PLAU: variants seen among roughly 807,000 people sequenced by gnomAD.
PLAU encodes the protein urokinase-type plasminogen activator.
A neutral mutation model predicts 48.9 loss-of-function variants in PLAU; 32 were observed. That is an observed-to-expected ratio of 0.65 (90% CI 0.49 to 0.88). PLAU has a LOEUF of 0.88. PLAU is among the 40% of genes least tolerant of loss of function. PLAU has a pLI of 0.00. For missense variants in PLAU, 455 were observed against 545.2 expected, an observed-to-expected ratio of 0.83 and a Z score of 1.65; for synonymous variants, 199 against 205.7, an observed-to-expected ratio of 0.97 and a Z score of 0.28.
In PLAU at chr10:73,913,684, G is replaced by T; in HGVS notation, c.606G>T (p.Gly202=). 3 of 1,613,672 alleles carry T rather than the reference G, an allele frequency of 1.9e-6. No individual in the cohort carries two copies. The highest frequency in any genetic ancestry group is 2.5e-6 in the Non-Finnish European group (3 of 1,179,876). The change falls in exon 7 of 11, where the codon GGG becomes GGT. Residue 202 remains glycine (G), a synonymous_variant. Transcript: ENST00000372764. ...CGGCCATCTACAGGAGGCACCGGGG[G>T]GGCTCTGTCACCTACGTGTGTGGAG... ...WFAAIYRRHR[G]GSVTYVCGGS...
Position 73,911,781 on chromosome 10 carries a change from G to A in PLAU, c.57+169G>A, listed in dbSNP as rs1210398586. 4.5e-6 allele frequency: 7 copies of A among 1,551,882 alleles called. No homozygotes were observed. The Admixed American group carries it at 1.2e-4, about 26-fold the overall frequency. On this transcript the variant is annotated intron_variant, in intron 2 of 10. Coordinates refer to ENST00000372764, the MANE Select transcript of PLAU (RefSeq NM_002658.6). ...GCAGCGGAGGCTTGAGAACCACGGG[G>A]GTTGGCACTGGCTGGCAAGGGAGGA... is the stretch of plus-strand genomic sequence containing the variant.
Position 73,914,217 on chromosome 10 carries a change from C to T in PLAU, c.829+89C>T, listed in dbSNP as rs78074294. 1.7e-5 allele frequency: 24 copies of T among 1,405,956 alleles called. 1 individual carries two copies. The Middle Eastern group carries it at 7.1e-4, about 41-fold the overall frequency. The allele number at this position is 1,405,956 out of a possible 1,614,324, so 87.1% of individuals were successfully genotyped here. On this transcript the variant is annotated intron_variant, in intron 8 of 10. Transcript: ENST00000372764. ...GACTGGAGCTGAGGTTGAAGCTGCCCGGTGGGGCAGGGGTGGGGCGAGGGA... is the reference window on the plus strand; with the variant it reads ...GACTGGAGCTGAGGTTGAAGCTGCCTGGTGGGGCAGGGGTGGGGCGAGGGA...
At chr10:73,916,131 C>A (rs1221586850) in intron 10 of PLAU, among the ~76,000 whole-genome samples, 2 of 152,148 alleles carry the variant, frequency 1.3e-5, no homozygotes, top group African/African-American at 2.4e-5. Flanking sequence ...GTAATCCCAG[C>A]TAATCAGGAG....
At chr10:73,915,687 G>A (rs1277134891) in intron 10 of PLAU, among the ~76,000 whole-genome samples, 1 of 152,170 alleles carries the variant, frequency 6.6e-6, no homozygotes, top group Non-Finnish European at 1.5e-5. Flanking sequence ...AACTATAAAT[G>A]ATCAGGTGTT....
chr10:73,913,161 T>A (rs937865630), intron 5 of PLAU, 63 bp downstream of exon 5: 13 of 1,582,902 alleles, frequency 8.2e-6, no homozygotes, highest in Non-Finnish European at 1.1e-5. Flanking sequence ...CTTGTTACCA[T>A]CCCCTTCTCC....
In PLAU at chr10:73,914,887, A is replaced by T. The variant is rs1264363781; in HGVS notation, c.941A>T (p.Glu314Val). The T allele has an allele frequency of 4.3e-6, 7 of 1,614,090 alleles. No homozygotes were observed. In the South Asian group the frequency reaches 7.7e-5, roughly 18 times the overall value. The change falls in exon 9 of 11, where the codon GAG becomes GTG. Residue 314 changes from glutamate (E) to valine (V), a missense_variant. Coordinates refer to ENST00000372764, the MANE Select transcript of PLAU (RefSeq NM_002658.6). ...GATCCCCAGTTTGGCACAAGCTGTG[A>T]GATCACTGGCTTTGGAAAAGAGAAT... ...YNDPQFGTSCEITGFGKENST... is the reference protein window; with the variant it reads ...YNDPQFGTSCVITGFGKENST...
At chr10:73,911,426 A>G in intron 1 of PLAU, 99 bp from the exon 2 acceptor site, 2 of 1,208,444 alleles carry the variant, frequency 1.7e-6, no homozygotes, top group Non-Finnish European at 2.4e-6. Context: ...ACAGCTGGGG[A>G]GCCTGGTCAC....
intron 2 of PLAU, 115 bp from the exon 3 acceptor site, chr10:73,911,926 G>A: frequency 6.2e-7 from 1 of 1,603,750 alleles, no homozygotes; most frequent in East Asian, 2.2e-5. Context: ...TACGAACAGG[G>A]TGAGGCGAGA....
Position 73,916,835 on chromosome 10 carries a change from G to A in PLAU, c.*270G>A. 2.3e-6 allele frequency: 1 copy of A among 427,148 alleles called. No individual in the cohort carries two copies. The allele number at this position is 427,148 out of a possible 1,614,324, so 26.5% of individuals were successfully genotyped here. A position where few individuals can be genotyped will look rare whatever the true frequency, so the allele number is the denominator to read the frequency against. On this transcript the variant is annotated 3_prime_UTR_variant, in exon 11 of 11. Transcript: ENST00000372764. ...GCAACTTGTCTTTTTCTGGACTGAA[G>A]CCTGCAGGAGTTAAAAAGGGCAGGG...
In PLAU at chr10:73,917,007, G is replaced by A. The variant is rs1361646037; in HGVS notation, c.*442G>A. ...GAGCTTAGCCAATGTGGGAGCAGCG[G>A]TTTGGGGAGCAGAGACACTAACGAC... On this transcript the variant is annotated 3_prime_UTR_variant, in exon 11 of 11. Coordinates refer to ENST00000372764, the MANE Select transcript of PLAU (RefSeq NM_002658.6). 1 of 165,478 alleles carries A rather than the reference G, an allele frequency of 6.0e-6. No homozygotes were observed. Among genetic ancestry groups the A allele is most frequent in the Non-Finnish European group, 1.3e-5 (1 of 75,048 alleles). 10.3% of individuals were successfully genotyped at this position (165,478 alleles called of 1,614,324 possible).
At chr10:73,915,711 TGAGTGCCAACCTGAGGGTCAGGGAGGG>T (rs1056618311) in intron 10 of PLAU, among the ~76,000 whole-genome samples, 1 of 151,082 alleles carries the variant, frequency 6.6e-6, no homozygotes, top group African/African-American at 2.4e-5. Context: ...GAGAGGGAGG[TGAGTGCCAACCTGAGGGTCAGGGAGGG>T]GAGGCTTTAA....
At chr10:73,916,247 C>G (rs537740819) in intron 10 of PLAU, 142 bp from the exon 11 acceptor site, 2 of 754,430 alleles carry the variant, frequency 2.7e-6, no homozygotes, top group East Asian at 5.4e-5. Context: ...TGTCCTCCCC[C>G]CGAAAAAAAG....
At position 73,913,128 on chromosome 10, in the gene PLAU, C is replaced by T. The variant is rs146463052; in HGVS notation, c.368+30C>T. On this transcript the variant is annotated intron_variant, in intron 5 of 10. Transcript: ENST00000372764. ...GGTGGGGGCAACAAGGACCAAAAGC[C>T]CTCCCTACAGCTTCCCAGAAACCTT... The T allele has an allele frequency of 6.8e-6, 11 of 1,606,430 alleles. No individual in the cohort carries two copies. In the Admixed American group the frequency reaches 1.2e-4, roughly 17 times the overall value.
intron 8 of PLAU, 82 bp from the exon 9 acceptor site, chr10:73,914,694 C>T: frequency 7.1e-7 from 1 of 1,402,916 alleles, no homozygotes; most frequent in Middle Eastern, 2.4e-4. Flanking sequence ...GGCATAGCTA[C>T]TTCCTCGGCA....
Position 73,915,375 on chromosome 10 carries a change from A to G in PLAU, c.1095A>G (p.Pro365=). 1.9e-6 allele frequency: 3 copies of G among 1,608,882 alleles called. No homozygotes were observed. Among genetic ancestry groups the G allele is most frequent in the Non-Finnish European group, 2.5e-6 (3 of 1,177,658 alleles). ...CCAAAATGCTGTGTGCTGCTGACCC[A>G]CAGTGGAAAACAGATTCCTGCCAGG... ...VTTKMLCAAD[P]QWKTDSCQGD... is the part of the protein sequence containing the mutation. Residue 365 remains proline (P), a synonymous_variant, in exon 10 of 11, where the codon CCA becomes CCG. Transcript: ENST00000372764.
Position 73,916,551 on chromosome 10 carries a change from G to T in PLAU, c.1282G>T (p.Gly428Cys). 1 of 1,609,754 alleles carries T rather than the reference G, an allele frequency of 6.2e-7. No homozygotes were observed. The highest frequency in any genetic ancestry group is 8.5e-7 in the Non-Finnish European group (1 of 1,177,042). Residue 428 changes from glycine (G) to cysteine (C), a missense_variant, in exon 11 of 11, where the codon GGC (glycine) becomes TGC (cysteine). Transcript: ENST00000372764. Reference sequence around the variant, plus strand: ...CCGCAGTCACACCAAGGAAGAGAATGGCCTGGCCCTCTGAGGGTCCCCAGG... The same window carrying T: ...CCGCAGTCACACCAAGGAAGAGAATTGCCTGGCCCTCTGAGGGTCCCCAGG... ...WIRSHTKEEN[G>C]LAL
At position 73,913,034 on chromosome 10, in the gene PLAU, C is replaced by G. The variant is rs145102078; in HGVS notation, c.304C>G (p.Gln102Glu). The change falls in exon 5 of 11, where the codon CAA becomes GAA. Residue 102 changes from glutamine to glutamate, a missense_variant. Gln to Glu is a conservative substitution (Grantham distance 29, BLOSUM62 2). Transcript: ENST00000372764. ...LPWNSATVLQ[Q>E]TYHAHRSDAL... ...CTGGAACTCTGCCACTGTCCTTCAG[C>G]AAACGTACCATGCCCACAGATCTGA... 13 of 1,614,050 alleles carry G rather than the reference C, an allele frequency of 8.1e-6. No homozygotes were observed. Among genetic ancestry groups the G allele is most frequent in the African/African-American group, 6.7e-5 (5 of 74,922 alleles).
Position 73,915,242 on chromosome 10 carries a change from T to C in PLAU, c.971-9T>C, listed in dbSNP as rs1174273748. On this transcript the variant is annotated splice_polypyrimidine_tract_variant and intron_variant, in intron 9 of 10. Coordinates refer to ENST00000372764, the MANE Select transcript of PLAU (RefSeq NM_002658.6). ...TTGATGCAAACGCCTCCCTGTTTTC[T>C]CCACCTAGCCGACTATCTCTATCCG... 6.2e-7 allele frequency: 1 copy of C among 1,606,448 alleles called. No homozygotes were observed. The highest frequency in any genetic ancestry group is 1.7e-5 in the Admixed American group (1 of 57,836).
rs766484416 is a variant in PLAU, at chr10:73,913,747, A to T, written c.669A>T (p.Thr223=). 3.1e-6 allele frequency: 5 copies of T among 1,596,446 alleles called. No individual in the cohort carries two copies. Among genetic ancestry groups the T allele is most frequent in the Non-Finnish European group, 4.3e-6 (5 of 1,170,410 alleles). The change falls in exon 7 of 11, where the codon ACA becomes ACT. Residue 223 remains threonine, a synonymous_variant. Transcript: ENST00000372764. The part of the protein sequence containing the change: ...LISPCWVISA[T]HCFIDYPKKE... ...GCCCTTGCTGGGTGATCAGCGCCAC[A>T]CACTGCTTCATGTACGGCCCTGGGT...
Sources: gnomAD v4.1 joint callset for allele counts (sites outside exome capture counted in the v4.1 genomes callset) on GRCh38, gnomAD v4.1.1 for gene constraint, MANE v1.5 for transcripts, NCBI Gene and HGNC (gene_info 2026-07-23, HGNC 2026-07-21) for gene names.